The following HOXB3 variants were observed in gnomAD, a reference collection of about 807,000 sequenced individuals.
The protein encoded by HOXB3 is homeobox B3, also known as homeobox protein Hox-B3.
HOXB3 carries 17 observed loss-of-function variants against 29.2 expected under a neutral mutation model. The ratio of observed to expected loss-of-function variants is 0.58; its 90% CI spans 0.40 to 0.87. The LOEUF (loss-of-function observed/expected upper bound fraction) is 0.87. HOXB3 is among the 40% of genes least tolerant of loss of function. The pLI, the probability that HOXB3 is intolerant of heterozygous loss-of-function variation, is 0.00. For missense variants in HOXB3, 637 were observed against 616.3 expected (o/e 1.03, Z -0.35); for synonymous variants, 317 against 285.9 (o/e 1.11, Z -1.10).
At chr17:48,576,629 A>AGGCCCCAGGGCCCCC in intron 1 of HOXB3, 1 of 1,179,080 alleles carries the variant, frequency 8.5e-7, no homozygotes, top group Non-Finnish European at 1.2e-6. Context: ...TCCGGGGCCC[A>AGGCCCCAGGGCCCCC]GGCCCCAGGG....
chr17:48,560,203 G>A (rs1298117060), intron 2 of HOXB3: 1 of 152,514 alleles, frequency 6.6e-6, no homozygotes, highest in Non-Finnish European at 1.5e-5. Context: ...AGGAAAAGAG[G>A]AACGGGCCCA....
intron 1 of HOXB3, chr17:48,577,884 G>T: frequency 7.2e-7 from 1 of 1,391,824 alleles, no homozygotes; most frequent in East Asian, 2.8e-5. Flanking sequence ...TGAACTTTGC[G>T]CATCCAGGGG....
chr17:48,564,646 G>T (rs917432140), intron 2 of HOXB3, among the ~76,000 whole-genome samples: 1 of 152,250 alleles, frequency 6.6e-6, no homozygotes, highest in East Asian at 1.9e-4. Context: ...ACTGACAGGG[G>T]CACGGCGAGG....
intron 1 of HOXB3, 94 bp downstream of exon 1, chr17:48,590,031 T>C (rs2070119819): frequency 6.6e-6 from 1 of 152,100 alleles, no homozygotes; most frequent in Non-Finnish European, 1.5e-5. Flanking sequence ...TTCCCCTACA[T>C]CACCCCACAG....
At chr17:48,580,578 C>T (rs1406340050) in intron 1 of HOXB3, 1 of 152,024 alleles carries the variant, frequency 6.6e-6, no homozygotes, top group Non-Finnish European at 1.5e-5. Context: ...TATTTAATGA[C>T]GGGCAATTCC....
chr17:48,575,570 C>CACAT (rs1471635470), intron 1 of HOXB3: 1 of 152,484 alleles, frequency 6.6e-6, no homozygotes, highest in Non-Finnish European at 1.5e-5. Flanking sequence ...CAGATATTCA[C>CACAT]ACATACGAAG....
At chr17:48,576,668 T>TGCACTCACTGCCC in intron 1 of HOXB3, 1 of 160,114 alleles carries the variant, frequency 6.2e-6, no homozygotes, top group South Asian at 5.7e-5. Flanking sequence ...CCCCATCCCC[T>TGCACTCACTGCCC]GCACTCACTG....
intron 2 of HOXB3, among the ~76,000 whole-genome samples, chr17:48,556,260 C>G (rs1007085007): frequency 6.6e-6 from 1 of 152,010 alleles, no homozygotes; most frequent in African/African-American, 2.4e-5. Context: ...CCCCATACCC[C>G]ACTAGTGAAC....
At chr17:48,573,458 C>T (rs1195431481) in intron 2 of HOXB3, among the ~76,000 whole-genome samples, 1 of 152,098 alleles carries the variant, frequency 6.6e-6, no homozygotes, top group Admixed American at 6.5e-5. Flanking sequence ...ACACACCGAC[C>T]ACATGTGGAC....
chr17:48,582,261 G>C (rs1280382063), intron 1 of HOXB3: 1 of 152,220 alleles, frequency 6.6e-6, no homozygotes, highest in African/African-American at 2.4e-5. Context: ...GGAGAGAAAG[G>C]CCCAGAGGGG....
chr17:48,558,325 G>T (rs1478959497), intron 2 of HOXB3, among the ~76,000 whole-genome samples: 1 of 152,098 alleles, frequency 6.6e-6, no homozygotes, highest in Non-Finnish European at 1.5e-5. Context: ...TCAACTCTTT[G>T]TGGTCCCTCG....
At chr17:48,567,239 T>C (rs2069419846) in intron 2 of HOXB3, among the ~76,000 whole-genome samples, 4 of 152,184 alleles carry the variant, frequency 2.6e-5, no homozygotes, top group African/African-American at 9.7e-5. Flanking sequence ...GGGAGCGAGC[T>C]CCTGGATGCT....
chr17:48,557,513 C>A (rs1364106015), intron 2 of HOXB3, among the ~76,000 whole-genome samples: 1 of 152,204 alleles, frequency 6.6e-6, no homozygotes, highest in African/African-American at 2.4e-5. Flanking sequence ...TTCTTCCAGG[C>A]AAGGCTAAGT....
intron 2 of HOXB3, among the ~76,000 whole-genome samples, chr17:48,568,633 G>A (rs904136637): frequency 1.4e-5 from 2 of 146,872 alleles, no homozygotes; most frequent in Non-Finnish European, 3.0e-5. Flanking sequence ...ACGCAGACGC[G>A]CACGCACACA....
intron 2 of HOXB3, among the ~76,000 whole-genome samples, chr17:48,561,715 T>C (rs2069204916): frequency 6.6e-6 from 1 of 152,184 alleles, no homozygotes; most frequent in Non-Finnish European, 1.5e-5. Flanking sequence ...AAGGAAGTGA[T>C]TTGTCTAGAG....
chr17:48,551,071 CCGCCGACCCCGGGGGGCT>C lies in HOXB3; in HGVS notation c.541_558del (p.Ser181_Ala186del). ...TACGCCGTCCGCGCCCGCTTGGACG[CCGCCGACCCCGGGGGGCT>C]CTTGTCCCCTCCCCCGCCGCCGCCG... is the stretch of plus-strand genomic sequence containing the variant. On this transcript the variant is annotated inframe_deletion, in exon 5 of 5. Transcript: ENST00000498678. 6.5e-7 allele frequency: 1 copy of C among 1,538,642 alleles called. No individual in the cohort carries two copies.
chr17:48,589,794 C>T (rs2070115070), intron 1 of HOXB3, among the ~76,000 whole-genome samples: 1 of 152,118 alleles, frequency 6.6e-6, no homozygotes, highest in Admixed American at 6.5e-5. Flanking sequence ...AAGTGGCCCC[C>T]ACCAATGGCC....
rs1309010219 is a variant in HOXB3 at position 48,550,043 on chromosome 17, C to T, written c.*291G>A. ...GTCTCGTCTTCCTCTACCCCACTCCCGGGCGTGGAATTCCAACTTGGTAGT... is the reference window on the plus strand; with the variant it reads ...GTCTCGTCTTCCTCTACCCCACTCCTGGGCGTGGAATTCCAACTTGGTAGT... On this transcript the variant is annotated 3_prime_UTR_variant, in exon 5 of 5. Transcript: ENST00000498678. The T allele has an allele frequency of 2.3e-5, 9 of 384,640 alleles. No individual in the cohort carries two copies. Among genetic ancestry groups the T allele is most frequent in the Non-Finnish European group, 9.4e-6 (2 of 212,098 alleles). The allele number at this position is 384,640 out of a possible 1,614,324, so 23.8% of individuals were successfully genotyped here. A position where few individuals can be genotyped will look rare whatever the true frequency, so the allele number is the denominator to read the frequency against.
In HOXB3 at chr17:48,554,852, G is replaced by T; in HGVS notation, c.-159+679C>A. ...GAGGGCGCCGAGGCCTGGCGGACGG[G>T]ACAGTGGGAAGAGAGAAAGGTGCTA... On this transcript the variant is annotated intron_variant, in intron 3 of 4. Transcript: ENST00000498678. The surrounding 1 kb of genome is among the most constrained non-coding windows in gnomAD (Gnocchi z 4.1). The T allele has an allele frequency of 1.4e-6, 1 of 702,294 alleles. No homozygotes were observed. 43.5% of individuals were successfully genotyped at this position (702,294 alleles called of 1,614,324 possible).
Sources: allele counts gnomAD v4.1 joint callset (sites outside exome capture counted in the v4.1 genomes callset), GRCh38; gene constraint gnomAD v4.1.1; non-coding constraint Gnocchi (gnomAD v3.1); transcripts MANE v1.5; gene names NCBI Gene and HGNC (gene_info 2026-07-23, HGNC 2026-07-21).